Variants in TGFB2 observed in about 807,000 individuals in gnomAD.
TGFB2 encodes the protein transforming growth factor beta-2 proprotein.
Under a neutral mutation model 42.7 loss-of-function variants are expected in TGFB2, and 13 were observed. The observed-to-expected ratio is 0.30, with a 90% confidence interval of 0.20 to 0.48. TGFB2 has a LOEUF of 0.48. TGFB2 is among the 20% of genes least tolerant of loss of function. The probability of loss-of-function intolerance (pLI) is 0.99; values close to 1 mark genes in which losing one functional copy is unlikely to be tolerated. For synonymous variants in TGFB2, 193 were observed against 193.6 expected, an observed-to-expected ratio of 1.00 and a Z score of 0.03; for missense variants, 390 against 517.5, an observed-to-expected ratio of 0.75 and a Z score of 2.39.
At chr1:218,431,159 C>T (rs532180398) in intron 2 of TGFB2, among the ~76,000 whole-genome samples, 1 of 152,132 alleles carries the variant, frequency 6.6e-6, no homozygotes, top group African/African-American at 2.4e-5. Context: ...TATATGTGGC[C>T]TGTTCATGAG....
chr1:218,414,355 G>A (rs1488414992), intron 2 of TGFB2, among the ~76,000 whole-genome samples: 1 of 152,064 alleles, frequency 6.6e-6, no homozygotes, highest in East Asian at 1.9e-4. Flanking sequence ...TTGCAAAAAT[G>A]CTACTGACAA....
At chr1:218,375,062 A>G (rs905736938) in intron 1 of TGFB2, among the ~76,000 whole-genome samples, 8 of 152,202 alleles carry the variant, frequency 5.3e-5, no homozygotes, top group Non-Finnish European at 1.2e-4. Context: ...TAAATATCCA[A>G]CAGGCTGAAC....
At chr1:218,420,792 G>A (rs1197438824) in intron 2 of TGFB2, among the ~76,000 whole-genome samples, 2 of 152,188 alleles carry the variant, frequency 1.3e-5, no homozygotes, top group East Asian at 1.9e-4. Flanking sequence ...ACTGTAAAGC[G>A]AAAGAGTTCA....
intron 2 of TGFB2, among the ~76,000 whole-genome samples, chr1:218,432,761 T>C (rs1020523499): frequency 6.6e-6 from 1 of 152,178 alleles, no homozygotes; most frequent in Non-Finnish European, 1.5e-5. Context: ...ATGAATTTGC[T>C]GGAGAGACCA....
intron 1 of TGFB2, among the ~76,000 whole-genome samples, chr1:218,360,556 A>C (rs1041976628): frequency 2.0e-5 from 3 of 152,206 alleles, no homozygotes; most frequent in African/African-American, 7.2e-5. Flanking sequence ...TTGCTAATGC[A>C]TGCAGGGCTT....
At position 218,442,890 on chromosome 1, in the gene TGFB2, A is replaced by G. The variant is rs148532364; in HGVS notation, c.*1528A>G. On this transcript the variant is annotated 3_prime_UTR_variant, in exon 7 of 7. Transcript: ENST00000366930. ...TTATTGAGTTAAGAAAAGTTTCTCT[A>G]CCTTGGTTTAATCAATATTTTTGTA... 18 of 152,302 alleles carry G rather than the reference A, an allele frequency of 1.2e-4. No homozygotes were observed. The East Asian group carries it at 3.1e-3, about 26-fold the overall frequency. The allele number at this position is 152,302 out of a possible 1,614,324, so 9.4% of individuals were successfully genotyped here. A position where few individuals can be genotyped will look rare whatever the true frequency, so the allele number is the denominator to read the frequency against.
chr1:218,421,210 C>A (rs1165493740), intron 2 of TGFB2, among the ~76,000 whole-genome samples: 1 of 152,122 alleles, frequency 6.6e-6, no homozygotes, highest in African/African-American at 2.4e-5. Context: ...TGGAAATTCT[C>A]TTTCTTGCTT....
intron 2 of TGFB2, among the ~76,000 whole-genome samples, chr1:218,428,334 GT>G (rs1033831917): frequency 2.0e-5 from 3 of 152,182 alleles, no homozygotes; most frequent in Non-Finnish European, 4.4e-5. Context: ...AAGCTCTTTA[GT>G]TTAATTAGAT....
chr1:218,417,849 G>C (rs1347233148), intron 2 of TGFB2, among the ~76,000 whole-genome samples: 1 of 152,238 alleles, frequency 6.6e-6, no homozygotes, highest in Non-Finnish European at 1.5e-5. Context: ...AGCCTTGGCA[G>C]CTTCTACATG....
chr1:218,368,833 G>A (rs1657475427), intron 1 of TGFB2, among the ~76,000 whole-genome samples: 1 of 152,180 alleles, frequency 6.6e-6, no homozygotes, highest in African/African-American at 2.4e-5. Flanking sequence ...GTATCCTAGG[G>A]ATGAGATTAG....
chr1:218,398,789 T>C (rs1658613192), intron 1 of TGFB2, among the ~76,000 whole-genome samples: 1 of 152,262 alleles, frequency 6.6e-6, no homozygotes, highest in East Asian at 1.9e-4. Context: ...GGTTTCACCA[T>C]GTGGCCAGGA....
chr1:218,362,408 C>CTTT (rs374856607), intron 1 of TGFB2, among the ~76,000 whole-genome samples: 4 of 152,302 alleles, frequency 2.6e-5, no homozygotes, highest in African/African-American at 9.6e-5. Flanking sequence ...CCTTGACCAC[C>CTTT]TTTTGTCTGT....
chr1:218,389,409 G>A (rs1187813341), intron 1 of TGFB2, among the ~76,000 whole-genome samples: 1 of 152,136 alleles, frequency 6.6e-6, no homozygotes, highest in Non-Finnish European at 1.5e-5. Context: ...CCGATAGAGA[G>A]GCTGTTCTTC....
chr1:218,427,431 C>A (rs1413942896), intron 2 of TGFB2, among the ~76,000 whole-genome samples: 1 of 151,990 alleles, frequency 6.6e-6, no homozygotes, highest in East Asian at 1.9e-4. Flanking sequence ...GTGTGCTGCA[C>A]CCATTAACTT....
rs1449359928 is a variant in TGFB2, at chr1:218,418,062, A to G, written c.510+12730A>G. 1.3e-5 allele frequency among the ~76,000 whole-genome samples: 2 copies of G among 152,216 alleles called. 1 individual carries two copies. Among genetic ancestry groups the G allele is most frequent in the African/African-American group, 4.8e-5 (2 of 41,470 alleles). On this transcript the variant is annotated intron_variant, in intron 2 of 6. Transcript: ENST00000366930. ...CACACAGAGTTTCTACTGGGGCACC[A>G]CCTAGTGGAGCTGTGAAAAGAGGGC... is the stretch of plus-strand genomic sequence containing the variant.
At chr1:218,420,750 A>G (rs1052620898) in intron 2 of TGFB2, among the ~76,000 whole-genome samples, 2 of 152,178 alleles carry the variant, frequency 1.3e-5, no homozygotes, top group Non-Finnish European at 2.9e-5. Context: ...GGTATGTATA[A>G]TACAGGTGTA....
intron 2 of TGFB2, among the ~76,000 whole-genome samples, chr1:218,424,329 T>C (rs1267988414): frequency 6.6e-6 from 1 of 152,232 alleles, no homozygotes; most frequent in Non-Finnish European, 1.5e-5. Context: ...TCAGAGAGAT[T>C]CCAAAAGGCT....
chr1:218,380,533 A>G, intron 1 of TGFB2, among the ~76,000 whole-genome samples: 1 of 152,018 alleles, frequency 6.6e-6, no homozygotes, highest in East Asian at 1.9e-4. Flanking sequence ...TAATATCTTT[A>G]TTTGAATTGC....
chr1:218,360,117 T>C (rs1229758888), intron 1 of TGFB2, among the ~76,000 whole-genome samples: 1 of 152,192 alleles, frequency 6.6e-6, no homozygotes, highest in Non-Finnish European at 1.5e-5. Flanking sequence ...TTCCCAAGCC[T>C]TTGTCAGCCA....
Sources: gnomAD v4.1 joint callset for allele counts (sites outside exome capture counted in the v4.1 genomes callset) on GRCh38, gnomAD v4.1.1 for gene constraint, MANE v1.5 for transcripts, NCBI Gene and HGNC (gene_info 2026-07-23, HGNC 2026-07-21) for gene names.